RAB3C: variants seen among roughly 807,000 people sequenced by gnomAD.
RAB3C encodes ras-related protein Rab-3C.
Under a neutral mutation model 26.4 loss-of-function variants are expected in RAB3C, and 17 were observed. The observed-to-expected ratio is 0.64, with a 90% CI of 0.44 to 0.97. The LOEUF (loss-of-function observed/expected upper bound fraction) is 0.97, where lower values mean the gene tolerates loss of function less well. RAB3C is among the 50% of genes least tolerant of loss of function. The pLI is 0.00. For synonymous variants in RAB3C, 91 were observed against 95.9 expected, an observed-to-expected ratio of 0.95 and a Z score of 0.30; for missense variants, 242 against 281.9, an observed-to-expected ratio of 0.86 and a Z score of 1.01.
intron 2 of RAB3C, among the ~76,000 whole-genome samples, chr5:58,712,873 T>C (rs1192710323): frequency 6.6e-6 from 1 of 152,146 alleles, no homozygotes; most frequent in Non-Finnish European, 1.5e-5. Context: ...ATGTGGATTC[T>C]CTTGAACATG....
intron 3 of RAB3C, among the ~76,000 whole-genome samples, chr5:58,803,105 G>A (rs1033816911): frequency 7.2e-5 from 11 of 152,204 alleles, no homozygotes; most frequent in Non-Finnish European, 1.6e-4. Flanking sequence ...GTAGAGGCTG[G>A]GAAATGGTGT....
At chr5:58,801,067 G>A (rs748294653) in intron 3 of RAB3C, among the ~76,000 whole-genome samples, 5 of 152,132 alleles carry the variant, frequency 3.3e-5, no homozygotes, top group Non-Finnish European at 5.9e-5. Context: ...AAAGAGACTT[G>A]GAAATATTAC....
intron 3 of RAB3C, among the ~76,000 whole-genome samples, chr5:58,810,633 G>A (rs1031229556): frequency 5.9e-5 from 9 of 152,090 alleles, no homozygotes; most frequent in African/African-American, 2.2e-4. Flanking sequence ...GCCTCACTGT[G>A]TCACCCAGGC....
intron 2 of RAB3C, among the ~76,000 whole-genome samples, chr5:58,716,443 A>C (rs1164030434): frequency 6.6e-6 from 1 of 152,132 alleles, no homozygotes. Flanking sequence ...GATATTTGAG[A>C]AAAGCTGATC....
At chr5:58,783,354 A>G (rs1268114920) in intron 3 of RAB3C, among the ~76,000 whole-genome samples, 1 of 152,242 alleles carries the variant, frequency 6.6e-6, no homozygotes, top group East Asian at 1.9e-4. Context: ...CATTTCAATC[A>G]TTCAAAATAA....
intron 2 of RAB3C, among the ~76,000 whole-genome samples, chr5:58,641,449 G>T (rs183642929): frequency 6.6e-6 from 1 of 152,308 alleles, no homozygotes; most frequent in Admixed American, 6.5e-5. Flanking sequence ...ACCAGAAATA[G>T]CATGGAAATG....
intron 2 of RAB3C, among the ~76,000 whole-genome samples, chr5:58,701,966 C>T (rs1019376244): frequency 6.6e-6 from 1 of 151,938 alleles, no homozygotes; most frequent in Non-Finnish European, 1.5e-5. Context: ...GAAAGTAGAC[C>T]CCTTGGAGAG....
At chr5:58,693,539 T>C (rs1748623659) in intron 2 of RAB3C, among the ~76,000 whole-genome samples, 1 of 151,870 alleles carries the variant, frequency 6.6e-6, no homozygotes, top group Admixed American at 6.6e-5. Context: ...CAATATTTTG[T>C]TTACTGTTCT....
At chr5:58,780,709 G>A (rs1276882482) in intron 3 of RAB3C, among the ~76,000 whole-genome samples, 5 of 152,096 alleles carry the variant, frequency 3.3e-5, no homozygotes, top group African/African-American at 1.2e-4. Context: ...GACAGGGTGA[G>A]CCTATGTCTG....
chr5:58,744,209 T>C (rs2111951923), intron 3 of RAB3C, among the ~76,000 whole-genome samples: 1 of 152,326 alleles, frequency 6.6e-6, no homozygotes, highest in South Asian at 2.1e-4. Flanking sequence ...TGTCTCAAGA[T>C]GAGAAAGACA....
intron 2 of RAB3C, among the ~76,000 whole-genome samples, chr5:58,666,363 G>A (rs564865598): frequency 2.0e-5 from 3 of 152,260 alleles, no homozygotes; most frequent in African/African-American, 7.2e-5. Flanking sequence ...CTGTATGAGT[G>A]GATAGCTTGA....
At chr5:58,718,878 A>T (rs1200350309) in intron 2 of RAB3C, among the ~76,000 whole-genome samples, 2 of 152,016 alleles carry the variant, frequency 1.3e-5, no homozygotes, top group Non-Finnish European at 2.9e-5. Context: ...AAAAGTTTCC[A>T]TTTCATTCCG....
rs557036060 is a variant in RAB3C, at chr5:58,634,385, G to A, written c.252+16515G>A. ...CACAGGCCCTGATGTCAAACTGTCT[G>A]GGTTCAAATGCTGAATCAGCTCCAT... On this transcript the variant is annotated intron_variant, in intron 2 of 4. Coordinates refer to ENST00000282878, the MANE Select transcript of RAB3C (RefSeq NM_138453.4). Among the ~76,000 whole-genome samples, 34 of 152,262 alleles carry A rather than the reference G, an allele frequency of 2.2e-4. No homozygotes were observed. The South Asian group carries it at 5.8e-3, about 26-fold the overall frequency.
chr5:58,804,764 T>A (rs1402796039), intron 3 of RAB3C, among the ~76,000 whole-genome samples: 1 of 151,914 alleles, frequency 6.6e-6, no homozygotes, highest in Non-Finnish European at 1.5e-5. Flanking sequence ...TAAACTAACA[T>A]CCTTTCTTGC....
intron 2 of RAB3C, among the ~76,000 whole-genome samples, chr5:58,648,301 C>G (rs1449762555): frequency 6.6e-6 from 1 of 152,144 alleles, no homozygotes; most frequent in East Asian, 1.9e-4. Context: ...TCCACCCATC[C>G]ATGCATTCAA....
chr5:58,751,455 AGAGG>A (rs1285193570), intron 3 of RAB3C, among the ~76,000 whole-genome samples: 7 of 152,178 alleles, frequency 4.6e-5, no homozygotes, highest in African/African-American at 1.2e-4. Context: ...AGGGAGGCTG[AGAGG>A]AAGTCAGAAA....
intron 2 of RAB3C, among the ~76,000 whole-genome samples, chr5:58,665,884 A>C (rs1278150338): frequency 6.6e-6 from 1 of 152,200 alleles, no homozygotes; most frequent in Admixed American, 6.5e-5. Context: ...TTTTCTTTGA[A>C]ACTCAATGAA....
At chr5:58,612,520 G>GTGTA (rs1264300587) in intron 1 of RAB3C, among the ~76,000 whole-genome samples, 15 of 79,184 alleles carry the variant, frequency 1.9e-4, no homozygotes, top group African/African-American at 5.9e-4. Context: ...GTGTGTGTGT[G>GTGTA]TATATATATA....
At chr5:58,744,456 G>A (rs1433913793) in intron 3 of RAB3C, among the ~76,000 whole-genome samples, 1 of 152,166 alleles carries the variant, frequency 6.6e-6, no homozygotes, top group Non-Finnish European at 1.5e-5. Context: ...CGATTCATCG[G>A]CAGTGTATGA....
Sources: gnomAD v4.1 joint callset for allele counts (sites outside exome capture counted in the v4.1 genomes callset) on GRCh38, gnomAD v4.1.1 for gene constraint, MANE v1.5 for transcripts, NCBI Gene and HGNC (gene_info 2026-07-23, HGNC 2026-07-21) for gene names.